Variants in DAAM1 observed in about 807,000 individuals in gnomAD.
DAAM1 encodes the protein disheveled-associated activator of morphogenesis 1.
DAAM1 carries 52 observed loss-of-function variants against 130.0 expected under a neutral mutation model. The observed-to-expected ratio is 0.40, with a 90% CI of 0.32 to 0.50. The LOEUF (loss-of-function observed/expected upper bound fraction) is 0.50, where lower values mean the gene tolerates loss of function less well. Ranked by LOEUF, DAAM1 falls within the 20% of genes least tolerant of loss-of-function variation. The probability of loss-of-function intolerance (pLI) is 0.61; values close to 1 mark genes in which losing one functional copy is unlikely to be tolerated. For missense variants in DAAM1, 1,134 were observed against 1,303.8 expected (o/e 0.87, Z 2.01); for synonymous variants, 452 against 444.5 (o/e 1.02, Z -0.21).
chr14:59,194,287 C>T (rs1887820887), intron 1 of DAAM1, among the ~76,000 whole-genome samples: 1 of 152,200 alleles, frequency 6.6e-6, no homozygotes, highest in Admixed American at 6.5e-5. Flanking sequence ...CTTCATGTCA[C>T]AGGTTCTTAC....
At chr14:59,251,085 A>G (rs1360167907) in intron 1 of DAAM1, among the ~76,000 whole-genome samples, 1 of 152,216 alleles carries the variant, frequency 6.6e-6, no homozygotes, top group Non-Finnish European at 1.5e-5. Flanking sequence ...TGTGTGGTAC[A>G]GCATTGTTAC....
At chr14:59,324,504 G>A in intron 8 of DAAM1, 50 bp downstream of exon 8, 1 of 1,248,546 alleles carries the variant, frequency 8.0e-7, no homozygotes. Context: ...TCCCATCTGT[G>A]TAATGCAATA....
At chr14:59,315,165 G>A (rs1336326142) in intron 3 of DAAM1, 115 bp from the exon 4 acceptor site, 13 of 897,400 alleles carry the variant, frequency 1.4e-5, no homozygotes, top group Non-Finnish European at 2.3e-5. Context: ...TCATACCTTC[G>A]TGTCTTCTAA....
intron 16 of DAAM1, among the ~76,000 whole-genome samples, chr14:59,344,607 C>G (rs1357954876): frequency 1.3e-5 from 2 of 152,102 alleles, no homozygotes; most frequent in Non-Finnish European, 2.9e-5. Context: ...CAACAGGACG[C>G]GTGCATAGCA....
intron 5 of DAAM1, among the ~76,000 whole-genome samples, chr14:59,321,227 A>G (rs536105378): frequency 2.6e-4 from 40 of 152,358 alleles, no homozygotes; most frequent in African/African-American, 6.7e-4. Context: ...CACACACTGT[A>G]TGATTCTATT....
chr14:59,292,923 A>G (rs1282388566), intron 3 of DAAM1, among the ~76,000 whole-genome samples: 2 of 152,338 alleles, frequency 1.3e-5, no homozygotes, highest in African/African-American at 2.4e-5. Flanking sequence ...ACTGATTGTC[A>G]TGGCTCAAGA....
chr14:59,193,156 T>C (rs1887783636), intron 1 of DAAM1, among the ~76,000 whole-genome samples: 1 of 152,266 alleles, frequency 6.6e-6, no homozygotes, highest in Non-Finnish European at 1.5e-5. Context: ...TTTCTCTATT[T>C]CTGTATGTGG....
At chr14:59,233,341 A>T (rs8005046) in intron 1 of DAAM1, among the ~76,000 whole-genome samples, 93,609 of 152,040 alleles carry the variant, frequency 0.62, 29,787 homozygotes, top group Non-Finnish European at 0.7. Flanking sequence ...CTAACTGGCA[A>T]GAGATGGTAT....
intron 15 of DAAM1, among the ~76,000 whole-genome samples, chr14:59,332,239 A>C (rs552895659): frequency 8.3e-4 from 127 of 152,326 alleles, no homozygotes; most frequent in African/African-American, 2.9e-3. Flanking sequence ...GAGTTAAGTA[A>C]CTTAAATTGT....
At chr14:59,194,729 TC>T (rs1566642519) in intron 1 of DAAM1, among the ~76,000 whole-genome samples, 1 of 152,284 alleles carries the variant, frequency 6.6e-6, no homozygotes, top group Admixed American at 6.5e-5. Context: ...ATAAACTTTT[TC>T]CCCCCACCTC....
At chr14:59,322,698 T>TC (rs1267517973) in intron 5 of DAAM1, among the ~76,000 whole-genome samples, 194 bp from the exon 6 acceptor site, 3 of 152,170 alleles carry the variant, frequency 2.0e-5, no homozygotes, top group Admixed American at 6.5e-5. Context: ...GGGTTTTTTT[T>TC]CACACTTTTG....
intron 2 of DAAM1, chr14:59,265,048 C>T (rs1882369713): frequency 1.3e-5 from 2 of 152,234 alleles, no homozygotes; most frequent in African/African-American, 4.8e-5. Context: ...TATTGTTCAA[C>T]AGACACTAGA....
chr14:59,355,079 G>C, intron 19 of DAAM1, 86 bp from the exon 20 acceptor site: 1 of 1,510,608 alleles, frequency 6.6e-7, no homozygotes, highest in Non-Finnish European at 9.0e-7. Flanking sequence ...TTAAGTGTGT[G>C]AATTTAGAAT....
At chr14:59,351,524 G>T (rs1358686866) in intron 17 of DAAM1, among the ~76,000 whole-genome samples, 1 of 151,936 alleles carries the variant, frequency 6.6e-6, no homozygotes, top group African/African-American at 2.4e-5. Context: ...TGTGCTGCCC[G>T]TTCCAGACCC....
At chr14:59,190,706 C>G (rs1041252872) in intron 1 of DAAM1, among the ~76,000 whole-genome samples, 1 of 152,186 alleles carries the variant, frequency 6.6e-6, no homozygotes, top group Non-Finnish European at 1.5e-5. Context: ...GAACCTCAGT[C>G]TTCTCTTTGG....
At chr14:59,297,185 T>C (rs1019645990) in intron 3 of DAAM1, among the ~76,000 whole-genome samples, 1 of 152,218 alleles carries the variant, frequency 6.6e-6, no homozygotes, top group Non-Finnish European at 1.5e-5. Flanking sequence ...ACTCCTGGCA[T>C]GGCACAGCCA....
chr14:59,287,473 A>G (rs1883513269), intron 2 of DAAM1, among the ~76,000 whole-genome samples: 1 of 152,178 alleles, frequency 6.6e-6, no homozygotes, highest in African/African-American at 2.4e-5. Flanking sequence ...GCTTCAAAAT[A>G]AGAGAGGAAG....
intron 1 of DAAM1, among the ~76,000 whole-genome samples, chr14:59,220,319 T>G (rs1488262065): frequency 3.3e-5 from 5 of 152,166 alleles, no homozygotes; most frequent in African/African-American, 1.2e-4. Flanking sequence ...AAGTGGCACA[T>G]GGATTAACTC....
intron 1 of DAAM1, among the ~76,000 whole-genome samples, chr14:59,230,336 T>C (rs952718552): frequency 6.6e-6 from 1 of 151,708 alleles, no homozygotes; most frequent in Non-Finnish European, 1.5e-5. Flanking sequence ...CAAGCTAGGA[T>C]TCCCTTACCC....
Sources: gnomAD v4.1 joint callset for allele counts (sites outside exome capture counted in the v4.1 genomes callset) on GRCh38, gnomAD v4.1.1 for gene constraint, MANE v1.5 for transcripts, NCBI Gene and HGNC (gene_info 2026-07-23, HGNC 2026-07-21) for gene names.